The following FGF12 variants were observed in gnomAD, a reference collection of about 807,000 sequenced individuals.
FGF12 encodes the protein fibroblast growth factor 12B.
FGF12 carries 14 observed loss-of-function variants against 23.6 expected under a neutral mutation model. That is an observed-to-expected ratio of 0.59 (90% confidence interval 0.39 to 0.93). The LOEUF is 0.93. Among genes scored for constraint, FGF12 ranks in the 40% least tolerant of loss-of-function variants. The pLI, the probability that FGF12 is intolerant of heterozygous loss-of-function variation, is 0.00. For synonymous variants in FGF12, 62 were observed against 77.3 expected, an observed-to-expected ratio of 0.80 and a Z score of 1.04; for missense variants, 175 against 217.8, an observed-to-expected ratio of 0.80 and a Z score of 1.24.
intron 3 of FGF12, among the ~76,000 whole-genome samples, chr3:192,340,795 A>T (rs1717654968): frequency 6.6e-6 from 1 of 152,196 alleles, no homozygotes; most frequent in South Asian, 2.1e-4. Context: ...GTTATACCAT[A>T]CATAAAATTC....
intron 4 of FGF12, among the ~76,000 whole-genome samples, chr3:192,305,105 A>T (rs994254855): frequency 3.3e-5 from 5 of 152,164 alleles, no homozygotes; most frequent in Non-Finnish European, 7.4e-5. Context: ...GAAAGATGGA[A>T]ACAGAAGAAA....
intron 2 of FGF12, among the ~76,000 whole-genome samples, chr3:192,493,051 T>C (rs1470582301): frequency 5.9e-5 from 9 of 151,526 alleles, no homozygotes; most frequent in Non-Finnish European, 1.3e-4. Flanking sequence ...CCCTTATTTT[T>C]AGGAAAACTT....
intron 4 of FGF12, among the ~76,000 whole-genome samples, chr3:192,260,211 A>T (rs1712661104): frequency 6.6e-6 from 1 of 151,836 alleles, no homozygotes; most frequent in Non-Finnish European, 1.5e-5. Flanking sequence ...AAACTACAAG[A>T]TACCATACCA....
At chr3:192,606,401 T>G (rs1369691884) in intron 2 of FGF12, among the ~76,000 whole-genome samples, 1 of 152,040 alleles carries the variant, frequency 6.6e-6, no homozygotes, top group Admixed American at 6.6e-5. Flanking sequence ...GTGCAGGGGT[T>G]GAAAAACTAA....
At chr3:192,626,034 CT>C (rs1168845050) in intron 2 of FGF12, among the ~76,000 whole-genome samples, 13 of 152,204 alleles carry the variant, frequency 8.5e-5, no homozygotes, top group African/African-American at 2.7e-4. Context: ...TCAGATTGCT[CT>C]TTGCTCTGAC....
intron 2 of FGF12, among the ~76,000 whole-genome samples, chr3:192,404,381 T>A (rs1720880362): frequency 6.6e-6 from 1 of 152,196 alleles, no homozygotes; most frequent in Non-Finnish European, 1.5e-5. Context: ...CCTCCTTGAT[T>A]ATGAGTGTTA....
At chr3:192,163,828 A>AGTGT (rs35349561) in intron 5 of FGF12, among the ~76,000 whole-genome samples, 3,670 of 149,474 alleles carry the variant, frequency 0.025, 46 homozygotes, top group African/African-American at 0.031. Flanking sequence ...AGTGTGTGTG[A>AGTGT]GTGTGTGTGT....
intron 2 of FGF12, among the ~76,000 whole-genome samples, chr3:192,615,831 G>A (rs1365499454): frequency 6.6e-6 from 1 of 151,914 alleles, no homozygotes; most frequent in East Asian, 1.9e-4. Flanking sequence ...TATGCCAGGT[G>A]ATAAAAGCAG....
intron 2 of FGF12, among the ~76,000 whole-genome samples, chr3:192,653,489 T>C (rs1308645606): frequency 6.6e-6 from 1 of 152,114 alleles, no homozygotes; most frequent in African/African-American, 2.4e-5. Context: ...CTAGATATGA[T>C]CTCCTTTTAA....
chr3:192,501,229 T>G (rs1724125008), intron 2 of FGF12, among the ~76,000 whole-genome samples: 1 of 152,148 alleles, frequency 6.6e-6, no homozygotes, highest in African/African-American at 2.4e-5. Flanking sequence ...AATTGGAGAA[T>G]AGAGCTGGGA....
At chr3:192,316,135 G>C (rs776259722) in intron 4 of FGF12, among the ~76,000 whole-genome samples, 8 of 152,080 alleles carry the variant, frequency 5.3e-5, no homozygotes, top group Non-Finnish European at 1.2e-4. Flanking sequence ...GATGGTTAGA[G>C]TCCCTTTATC....
rs534475597 is a variant in FGF12 at position 192,571,678 on chromosome 3, C to A, written c.13+155503G>T. 5.9e-5 allele frequency among the ~76,000 whole-genome samples: 9 copies of A among 152,350 alleles called. No individual in the cohort carries two copies. The East Asian group carries it at 1.5e-3, about 26-fold the overall frequency. ...TCAAGGTTGCTCCCCCAGGGCAGGG[C>A]AGCAATTTAGCTTTTGCAAGATCCT... On this transcript the variant is annotated intron_variant, in intron 2 of 5. Transcript: ENST00000445105.
chr3:192,430,334 G>A (rs532286923), intron 2 of FGF12, among the ~76,000 whole-genome samples: 7 of 152,298 alleles, frequency 4.6e-5, no homozygotes, highest in African/African-American at 1.4e-4. Context: ...GAAGAATAAA[G>A]TAGGGTGGTG....
chr3:192,561,923 GA>G (rs371813061), intron 2 of FGF12, among the ~76,000 whole-genome samples: 24,299 of 141,788 alleles, frequency 0.17, 2,456 homozygotes, highest in Middle Eastern at 0.28. Context: ...AAAAAAGAAA[GA>G]AAAAAAAAAG....
At chr3:192,703,393 C>T (rs76646879) in intron 2 of FGF12, among the ~76,000 whole-genome samples, 5,585 of 152,242 alleles carry the variant, frequency 0.037, 369 homozygotes, top group African/African-American at 0.13. Context: ...TCATCTGAGC[C>T]TTCAGCAATT....
chr3:192,306,188 G>T (rs1225371277), intron 4 of FGF12, among the ~76,000 whole-genome samples: 1 of 152,056 alleles, frequency 6.6e-6, no homozygotes, highest in Non-Finnish European at 1.5e-5. Context: ...AAAACACACA[G>T]TTGGATTACC....
At chr3:192,490,887 A>C (rs1723782364) in intron 2 of FGF12, among the ~76,000 whole-genome samples, 1 of 152,150 alleles carries the variant, frequency 6.6e-6, no homozygotes, top group Non-Finnish European at 1.5e-5. Flanking sequence ...GAGGGCAGTG[A>C]CTGGAAGAAG....
chr3:192,560,026 A>T (rs1711947503), intron 2 of FGF12, among the ~76,000 whole-genome samples: 1 of 152,076 alleles, frequency 6.6e-6, no homozygotes. Flanking sequence ...AAAATATTGA[A>T]ATTTTACAGT....
chr3:192,385,807 T>C, intron 2 of FGF12, among the ~76,000 whole-genome samples: 1 of 152,196 alleles, frequency 6.6e-6, no homozygotes. Context: ...CAGTAATGTC[T>C]GGGTAGGAAC....
Sources: gnomAD v4.1 joint callset for allele counts (sites outside exome capture counted in the v4.1 genomes callset) on GRCh38, gnomAD v4.1.1 for gene constraint, MANE v1.5 for transcripts, NCBI Gene and HGNC (gene_info 2026-07-23, HGNC 2026-07-21) for gene names.